The following NKAIN2 variants were observed in gnomAD, a reference collection of about 807,000 sequenced individuals.
The protein encoded by NKAIN2 is sodium/potassium transporting ATPase interacting 2.
A neutral mutation model predicts 32.6 loss-of-function variants in NKAIN2; 14 were observed. The observed-to-expected ratio is 0.43, with a 90% CI of 0.28 to 0.67. NKAIN2 has a LOEUF of 0.67. Among genes scored for constraint, NKAIN2 ranks in the 30% least tolerant of loss-of-function variants. The pLI is 0.17. For missense variants in NKAIN2, 198 were observed against 258.3 expected, an observed-to-expected ratio of 0.77 and a Z score of 1.60; for synonymous variants, 80 against 87.2, an observed-to-expected ratio of 0.92 and a Z score of 0.46.
intron 1 of NKAIN2, among the ~76,000 whole-genome samples, chr6:123,812,570 C>G (rs1028233440): frequency 6.6e-6 from 1 of 152,122 alleles, no homozygotes; most frequent in Non-Finnish European, 1.5e-5. Context: ...TGACATGTTG[C>G]AGTAGTTTTG....
chr6:124,779,247 AAGAGAGAGAGAGAGAGAGAG>A (rs71024703), intron 4 of NKAIN2, among the ~76,000 whole-genome samples: 3 of 75,340 alleles, frequency 4.0e-5, no homozygotes, highest in African/African-American at 1.8e-4. Flanking sequence ...CCAACAAAGA[AAGAGAGAGAGAGAGAGAGAG>A]AGAGAGAGAG....
intron 3 of NKAIN2, among the ~76,000 whole-genome samples, chr6:124,653,730 G>T (rs1784446490): frequency 6.6e-6 from 1 of 152,092 alleles, no homozygotes; most frequent in Non-Finnish European, 1.5e-5. Context: ...CCATAGACTG[G>T]TAGAAAATAT....
At chr6:124,614,970 T>G (rs956320264) in intron 3 of NKAIN2, among the ~76,000 whole-genome samples, 7 of 152,230 alleles carry the variant, frequency 4.6e-5, no homozygotes, top group African/African-American at 1.7e-4. Context: ...CACAGTTGTT[T>G]ACGGTGCTGA....
intron 1 of NKAIN2, among the ~76,000 whole-genome samples, chr6:124,261,270 C>T (rs1341553252): frequency 1.3e-5 from 2 of 152,154 alleles, no homozygotes; most frequent in African/African-American, 2.4e-5. Flanking sequence ...TTTTTACTCT[C>T]TTTCTTTTTA....
At chr6:124,360,006 C>A (rs1000231103) in intron 3 of NKAIN2, among the ~76,000 whole-genome samples, 1 of 152,122 alleles carries the variant, frequency 6.6e-6, no homozygotes, top group Non-Finnish European at 1.5e-5. Flanking sequence ...TTGTCAAAGG[C>A]CTTTTCTGCA....
chr6:124,352,644 A>G (rs1463074210), intron 2 of NKAIN2, among the ~76,000 whole-genome samples: 1 of 152,192 alleles, frequency 6.6e-6, no homozygotes, highest in Non-Finnish European at 1.5e-5. Context: ...AATAGTGTTT[A>G]TTTAGCTCTC....
chr6:124,559,293 G>A (rs1011626213), intron 3 of NKAIN2, among the ~76,000 whole-genome samples: 1 of 152,098 alleles, frequency 6.6e-6, no homozygotes, highest in Non-Finnish European at 1.5e-5. Context: ...AATATAATAA[G>A]TGAGAGGAAT....
chr6:124,154,748 C>T (rs1391290349), intron 1 of NKAIN2, among the ~76,000 whole-genome samples: 1 of 151,950 alleles, frequency 6.6e-6, no homozygotes, highest in Non-Finnish European at 1.5e-5. Flanking sequence ...ATGCCAAATT[C>T]TAGGACCTTC....
chr6:124,312,213 A>G (rs1442166018), intron 2 of NKAIN2, among the ~76,000 whole-genome samples: 3 of 152,170 alleles, frequency 2.0e-5, no homozygotes, highest in Non-Finnish European at 1.5e-5. Context: ...TCAGCATTGA[A>G]GACTTCTGTG....
At chr6:124,034,169 G>C (rs1781514616) in intron 1 of NKAIN2, among the ~76,000 whole-genome samples, 1 of 151,928 alleles carries the variant, frequency 6.6e-6, no homozygotes, top group African/African-American at 2.4e-5. Context: ...ACATGCGCAG[G>C]TTTGTTACAA....
rs546279036 is a variant in NKAIN2 at position 124,821,817 on chromosome 6, C to A, written c.618-1403C>A. Reference sequence around the variant, plus strand: ...TCCAATCATTCCTTCCACAAAACATCCCATAGGAGACCTCGGATCCTAGAA... The same window carrying A: ...TCCAATCATTCCTTCCACAAAACATACCATAGGAGACCTCGGATCCTAGAA... On this transcript the variant is annotated intron_variant, in intron 6 of 6. Transcript: ENST00000368417. 3.3e-5 allele frequency among the ~76,000 whole-genome samples: 5 copies of A among 152,266 alleles called. No individual in the cohort carries two copies. In the South Asian group the frequency reaches 1.0e-3, roughly 32 times the overall value.
chr6:124,760,548 C>T (rs1187875152), intron 4 of NKAIN2, among the ~76,000 whole-genome samples: 2 of 151,972 alleles, frequency 1.3e-5, no homozygotes, highest in Non-Finnish European at 2.9e-5. Context: ...TCTGGGTCTG[C>T]GGGAACTCAG....
intron 4 of NKAIN2, among the ~76,000 whole-genome samples, chr6:124,721,264 C>CTT (rs1776004852): frequency 6.6e-6 from 1 of 151,784 alleles, no homozygotes; most frequent in Admixed American, 6.6e-5. Context: ...ATTAGCCGGG[C>CTT]GCAGTGGCGG....
intron 1 of NKAIN2, among the ~76,000 whole-genome samples, chr6:123,894,391 T>C (rs1317643755): frequency 6.6e-6 from 1 of 152,152 alleles, no homozygotes; most frequent in African/African-American, 2.4e-5. Context: ...CAACGAAATC[T>C]AGAAACCATT....
intron 3 of NKAIN2, among the ~76,000 whole-genome samples, chr6:124,583,292 A>G (rs1465217744): frequency 5.3e-5 from 8 of 152,054 alleles, no homozygotes; most frequent in Admixed American, 4.6e-4. Context: ...TACAAAATCA[A>G]CATATAAAAA....
intron 1 of NKAIN2, among the ~76,000 whole-genome samples, chr6:124,139,395 A>G (rs1364284978): frequency 6.6e-6 from 1 of 152,140 alleles, no homozygotes; most frequent in Non-Finnish European, 1.5e-5. Flanking sequence ...GCCTAAATAA[A>G]AATTTTAAGT....
chr6:124,473,021 C>A (rs1777038864), intron 3 of NKAIN2, among the ~76,000 whole-genome samples: 1 of 152,096 alleles, frequency 6.6e-6, no homozygotes, highest in Non-Finnish European at 1.5e-5. Context: ...TACATCCAAC[C>A]AGACAGGTTC....
chr6:124,624,682 G>A (rs544993016), intron 3 of NKAIN2, among the ~76,000 whole-genome samples: 4 of 152,194 alleles, frequency 2.6e-5, no homozygotes, highest in Non-Finnish European at 5.9e-5. Context: ...ACACTTTTTA[G>A]GATAAGACTC....
rs73770287 is a variant in NKAIN2, at chr6:123,822,980, G to A, written c.54+18726G>A. On this transcript the variant is annotated intron_variant, in intron 1 of 6. Transcript: ENST00000368417. ...GTTTAAATTTTATGTGATAAGTAACGTACAGCCAGGATAAATTCCTTATTA... is the reference window on the plus strand; with the variant it reads ...GTTTAAATTTTATGTGATAAGTAACATACAGCCAGGATAAATTCCTTATTA... Among the ~76,000 whole-genome samples the A allele has an allele frequency of 9.2e-3, 1,340 of 145,270 alleles. 27 individuals are homozygous for A. The highest frequency in any genetic ancestry group is 0.035 in the African/African-American group (1,294 of 36,866).
Sources: gnomAD v4.1 joint callset for allele counts (sites outside exome capture counted in the v4.1 genomes callset) on GRCh38, gnomAD v4.1.1 for gene constraint, MANE v1.5 for transcripts, NCBI Gene and HGNC (gene_info 2026-07-23, HGNC 2026-07-21) for gene names.